Variants in ZCCHC2 observed in about 807,000 individuals in gnomAD.
The protein encoded by ZCCHC2 is zinc finger CCHC-type containing 2.
ZCCHC2 carries 39 observed loss-of-function variants against 103.6 expected under a neutral mutation model. The observed-to-expected ratio is 0.38, with a 90% confidence interval of 0.29 to 0.49. The LOEUF is 0.49. Ranked by LOEUF, ZCCHC2 falls within the 20% of genes least tolerant of loss-of-function variation. ZCCHC2 has a pLI of 0.96. For synonymous variants in ZCCHC2, 687 were observed against 608.9 expected (o/e 1.13, Z -1.89); for missense variants, 1,483 against 1,491.0 (o/e 0.99, Z 0.09).
chr18:62,566,969 C>T (rs961718755), intron 11 of ZCCHC2, among the ~76,000 whole-genome samples: 2 of 152,176 alleles, frequency 1.3e-5, no homozygotes, highest in Non-Finnish European at 2.9e-5. Context: ...ATCACAAACT[C>T]CCATTCATTT....
chr18:62,554,574 T>C (rs1301725209), intron 5 of ZCCHC2, among the ~76,000 whole-genome samples: 3 of 152,224 alleles, frequency 2.0e-5, no homozygotes, highest in African/African-American at 7.2e-5. Context: ...TTTATCTCAT[T>C]TGTGGTTTAA....
Position 62,574,514 on chromosome 18 carries a change from A to G in ZCCHC2, c.2433A>G (p.Thr811=), listed in dbSNP as rs1003323899. 1.1e-5 allele frequency: 18 copies of G among 1,613,856 alleles called. No homozygotes were observed. In the Middle Eastern group the frequency reaches 8.2e-4, roughly 74 times the overall value. The stretch of plus-strand genomic sequence containing the variant: ...GTAGTACTCCCGCTTTGCATCTTAC[A>G]GTTCAGAGGCTAAAGTTGCCACCAC... ...PHSSTPALHL[T]VQRLKLPPPQ... is the part of the protein sequence containing the mutation. The change falls in exon 13 of 14, where the codon ACA becomes ACG. Residue 811 remains threonine (T), a synonymous_variant. Coordinates refer to ENST00000269499, the MANE Select transcript of ZCCHC2 (RefSeq NM_017742.6).
At chr18:62,533,872 CAAA>C (rs35039729) in intron 1 of ZCCHC2, among the ~76,000 whole-genome samples, 4 of 99,516 alleles carry the variant, frequency 4.0e-5, no homozygotes, top group Non-Finnish European at 4.1e-5. Flanking sequence ...AACTCTGCCT[CAAA>C]AAAAAAAAAA....
intron 9 of ZCCHC2, 52 bp from the exon 10 acceptor site, chr18:62,564,519 C>T (rs17668777): frequency 0.065 from 84,486 of 1,305,140 alleles, 3,275 homozygotes; most frequent in South Asian, 0.12. Flanking sequence ...AGAGTAAAAA[C>T]GTCAAAATGG....
At chr18:62,537,239 C>T (rs571688622) in intron 1 of ZCCHC2, among the ~76,000 whole-genome samples, 7 of 152,166 alleles carry the variant, frequency 4.6e-5, no homozygotes, top group Non-Finnish European at 7.4e-5. Context: ...AGTGCAGTGG[C>T]GCAGTCATGG....
chr18:62,540,917 TC>T (rs564356999), intron 2 of ZCCHC2, among the ~76,000 whole-genome samples: 23 of 152,312 alleles, frequency 1.5e-4, no homozygotes, highest in Non-Finnish European at 2.8e-4. Context: ...CTTGAAATTA[TC>T]ACTGAAGCTG....
chr18:62,575,644 A>G (rs779823285), intron 13 of ZCCHC2, 94 bp downstream of exon 13: 18 of 1,429,060 alleles, frequency 1.3e-5, no homozygotes, highest in Non-Finnish European at 1.7e-5. Context: ...TAGCAGAAAG[A>G]TCTGTTTGTG....
At chr18:62,527,052 G>A (rs899223759) in intron 1 of ZCCHC2, 8 of 119,498 alleles carry the variant, frequency 6.7e-5, no homozygotes, top group Non-Finnish European at 4.9e-5. Context: ...TTAGACACAA[G>A]TATGCAATTT....
chr18:62,539,081 C>T (rs1915061102), intron 1 of ZCCHC2, among the ~76,000 whole-genome samples: 1 of 152,160 alleles, frequency 6.6e-6, no homozygotes, highest in Non-Finnish European at 1.5e-5. Context: ...ACCTTTATTA[C>T]TCCAAGCATC....
At chr18:62,544,711 A>T in intron 3 of ZCCHC2, 91 bp from the exon 4 acceptor site, 1 of 1,006,258 alleles carries the variant, frequency 9.9e-7, no homozygotes, top group Non-Finnish European at 1.5e-6. Context: ...GTAAAATTTA[A>T]GTAAGGCCCT....
intron 1 of ZCCHC2, among the ~76,000 whole-genome samples, chr18:62,535,312 T>C (rs756237460): frequency 6.6e-6 from 1 of 152,140 alleles, no homozygotes; most frequent in Non-Finnish European, 1.5e-5. Context: ...AGTTCTAGGG[T>C]TAAAAGATGT....
At chr18:62,565,872 T>A (rs963411086) in intron 11 of ZCCHC2, among the ~76,000 whole-genome samples, 2 of 152,184 alleles carry the variant, frequency 1.3e-5, no homozygotes, top group African/African-American at 4.8e-5. Flanking sequence ...CTTAAAAGTT[T>A]TGAGTATATT....
chr18:62,542,198 A>C (rs1915219879), intron 2 of ZCCHC2, among the ~76,000 whole-genome samples: 1 of 152,208 alleles, frequency 6.6e-6, no homozygotes, highest in Non-Finnish European at 1.5e-5. Flanking sequence ...TTTTAATTGC[A>C]GGTACCTTTT....
rs896694380 is a variant in ZCCHC2 at position 62,570,071 on chromosome 18, A to T, written c.1847-32A>T. 5 of 1,539,012 alleles carry T rather than the reference A, an allele frequency of 3.2e-6. No homozygotes were observed. In the African/African-American group the frequency reaches 5.6e-5, roughly 17 times the overall value. ...AGAAATTAATTTAAAATGACTTAAC[A>T]TGATTTTTTAAAATAGTGTTGTTAT... On this transcript the variant is annotated intron_variant, in intron 11 of 13. Transcript: ENST00000269499.
At chr18:62,524,523 T>A (rs1317865236) in intron 1 of ZCCHC2, 160 bp downstream of exon 1, 2 of 1,198,766 alleles carry the variant, frequency 1.7e-6, no homozygotes, top group Non-Finnish European at 1.1e-6. Flanking sequence ...GAGCTTCGTC[T>A]CGCTGGGCCG....
downstream of ZCCHC2, among the ~76,000 whole-genome samples, chr18:62,579,702 CTGCTTTAGATTGTGTT>C (rs1216425681): frequency 6.6e-6 from 1 of 152,082 alleles, no homozygotes; most frequent in Non-Finnish European, 1.5e-5. Context: ...AAGGTAACCA[CTGCTTTAGATTGTGTT>C]AGTCTTTTCT....
At chr18:62,541,528 T>A (rs1243941470) in intron 2 of ZCCHC2, among the ~76,000 whole-genome samples, 1 of 141,006 alleles carries the variant, frequency 7.1e-6, no homozygotes, top group African/African-American at 2.8e-5. Flanking sequence ...TTTTCCTCCA[T>A]CTCCTGCTCT....
intron 11 of ZCCHC2, among the ~76,000 whole-genome samples, chr18:62,566,105 C>T (rs1296811781): frequency 2.0e-5 from 3 of 152,028 alleles, no homozygotes; most frequent in East Asian, 1.9e-4. Context: ...ATTAGCCAGG[C>T]GTGGTGGCAC....
chr18:62,550,268 C>T, intron 4 of ZCCHC2, 80 bp from the exon 5 acceptor site: 1 of 1,053,448 alleles, frequency 9.5e-7, no homozygotes, highest in Admixed American at 2.4e-5. Flanking sequence ...CATTAATCTT[C>T]ATTTTATGCA....
Sources: allele counts gnomAD v4.1 joint callset (sites outside exome capture counted in the v4.1 genomes callset), GRCh38; gene constraint gnomAD v4.1.1; transcripts MANE v1.5; gene names NCBI Gene and HGNC (gene_info 2026-07-23, HGNC 2026-07-21).